ADGRL3: variants seen among roughly 807,000 people sequenced by gnomAD.
ADGRL3 encodes the protein adhesion G protein-coupled receptor L3.
In ADGRL3, 62 loss-of-function variants were observed where a neutral mutation model predicts 153.5. The ratio of observed to expected loss-of-function variants is 0.40; its 90% CI spans 0.33 to 0.50. ADGRL3 has a LOEUF of 0.50. Among genes scored for constraint, ADGRL3 ranks in the 20% least tolerant of loss-of-function variants. The probability of loss-of-function intolerance (pLI) is 0.47; values close to 1 mark genes in which losing one functional copy is unlikely to be tolerated. For synonymous variants in ADGRL3, 710 were observed against 672.5 expected, an observed-to-expected ratio of 1.06 and a Z score of -0.86; for missense variants, 1,641 against 1,859.4, an observed-to-expected ratio of 0.88 and a Z score of 2.16.
At position 61,656,076 on chromosome 4, in the gene ADGRL3, G is replaced by A. The variant is rs564793903; in HGVS notation, c.474-20750G>A. ...TTAATCACAGGTTTTTGATGTTGAAGTAAAGCATTAGATGCTTACTTTGTT... is the reference window on the plus strand; with the variant it reads ...TTAATCACAGGTTTTTGATGTTGAAATAAAGCATTAGATGCTTACTTTGTT... On this transcript the variant is annotated intron_variant, in intron 5 of 26. Transcript: ENST00000683033. Among the ~76,000 whole-genome samples the A allele has an allele frequency of 3.3e-5, 5 of 152,280 alleles. No homozygotes were observed. The South Asian group carries it at 8.3e-4, about 25-fold the overall frequency.
intron 2 of ADGRL3, among the ~76,000 whole-genome samples, chr4:61,424,455 T>C (rs762303949): frequency 4.6e-5 from 7 of 151,940 alleles, no homozygotes; most frequent in Non-Finnish European, 7.4e-5. Flanking sequence ...ACTACTAATA[T>C]CCCTGTTACG....
chr4:61,401,332 A>T (rs2152115005), intron 2 of ADGRL3, among the ~76,000 whole-genome samples: 2 of 152,088 alleles, frequency 1.3e-5, no homozygotes, highest in Middle Eastern at 6.8e-3. Flanking sequence ...GACAAAATAT[A>T]TGTGGAGAAC....
intron 5 of ADGRL3, among the ~76,000 whole-genome samples, chr4:61,646,902 T>C (rs2101961): frequency 0.99 from 151,034 of 152,290 alleles, 74,911 homozygotes; most frequent in Middle Eastern, 1. Flanking sequence ...AGTTTGATCT[T>C]AGACTGCTGT....
intron 1 of ADGRL3, among the ~76,000 whole-genome samples, chr4:61,236,201 G>A (rs1044722847): frequency 4.4e-4 from 67 of 151,750 alleles, no homozygotes; most frequent in African/African-American, 1.5e-3. Context: ...GTACAGACGG[G>A]GTTTCACCCT....
At chr4:61,981,696 T>C (rs2150843577) in intron 18 of ADGRL3, among the ~76,000 whole-genome samples, 1 of 152,288 alleles carries the variant, frequency 6.6e-6, no homozygotes, top group African/African-American at 2.4e-5. Context: ...ATGTTACAAG[T>C]TTGTTATCAT....
At chr4:62,060,526 A>G (rs28647462) in intron 25 of ADGRL3, among the ~76,000 whole-genome samples, 4,157 of 151,976 alleles carry the variant, frequency 0.027, 204 homozygotes, top group African/African-American at 0.096. Context: ...CTTATTTAGA[A>G]TGATTTTAGA....
intron 9 of ADGRL3, among the ~76,000 whole-genome samples, chr4:61,823,690 T>TA (rs1282569360): frequency 1.3e-5 from 2 of 152,002 alleles, no homozygotes; most frequent in East Asian, 3.9e-4. Context: ...ACCTAGGTAT[T>TA]AAAAAAAATC....
At chr4:61,310,921 C>G (rs2094977116) in intron 1 of ADGRL3, among the ~76,000 whole-genome samples, 1 of 151,312 alleles carries the variant, frequency 6.6e-6, no homozygotes, top group African/African-American at 2.4e-5. Context: ...ATATTCCAGT[C>G]TAGGTTGTAG....
intron 1 of ADGRL3, among the ~76,000 whole-genome samples, chr4:61,260,946 G>A (rs1228156635): frequency 6.6e-6 from 1 of 151,894 alleles, no homozygotes; most frequent in Admixed American, 6.6e-5. Context: ...GGCTGGGCTC[G>A]AACTCTTCAG....
chr4:61,423,541 A>G (rs910227832), intron 2 of ADGRL3, among the ~76,000 whole-genome samples: 1 of 152,204 alleles, frequency 6.6e-6, no homozygotes, highest in African/African-American at 2.4e-5. Context: ...GTATAGGGAG[A>G]ATCCATGAAC....
At chr4:61,390,259 C>A (rs564947403) in intron 2 of ADGRL3, among the ~76,000 whole-genome samples, 1 of 152,092 alleles carries the variant, frequency 6.6e-6, no homozygotes, top group African/African-American at 2.4e-5. Flanking sequence ...CCTGAGCTAG[C>A]AGTAGCCCAG....
Position 61,801,441 on chromosome 4 carries a change from G to A in ADGRL3, c.1400-12368G>A, listed in dbSNP as rs1249987198. Among the ~76,000 whole-genome samples the A allele has an allele frequency of 3.9e-5, 6 of 152,006 alleles. No individual in the cohort carries two copies. In the East Asian group the frequency reaches 1.2e-3, roughly 29 times the overall value. ...TAAATTAAGAGTGGATTTAAACTCTGTTGTTCAGCCTGTTTTTAAAAAATA... is the reference window on the plus strand; with the variant it reads ...TAAATTAAGAGTGGATTTAAACTCTATTGTTCAGCCTGTTTTTAAAAAATA... On this transcript the variant is annotated intron_variant, in intron 8 of 26. Coordinates refer to ENST00000683033, the MANE Select transcript of ADGRL3 (RefSeq NM_001387552.1).
At chr4:61,786,981 A>G (rs917707640) in intron 8 of ADGRL3, among the ~76,000 whole-genome samples, 10 of 152,306 alleles carry the variant, frequency 6.6e-5, no homozygotes, top group South Asian at 6.2e-4. Flanking sequence ...TGATGCTAAG[A>G]CTGATGGCAT....
chr4:61,923,780 C>G (rs1346856265), intron 13 of ADGRL3, among the ~76,000 whole-genome samples: 1 of 152,148 alleles, frequency 6.6e-6, no homozygotes, highest in Non-Finnish European at 1.5e-5. Flanking sequence ...TCCTCTATTA[C>G]AGCAATTATC....
At chr4:61,463,372 G>A (rs2097845924) in intron 2 of ADGRL3, among the ~76,000 whole-genome samples, 1 of 152,110 alleles carries the variant, frequency 6.6e-6, no homozygotes, top group African/African-American at 2.4e-5. Flanking sequence ...AAGGCGAAGG[G>A]GAAGCAAGCA....
At chr4:61,410,444 G>GA (rs1452375960) in intron 2 of ADGRL3, among the ~76,000 whole-genome samples, 1 of 151,496 alleles carries the variant, frequency 6.6e-6, no homozygotes, top group Non-Finnish European at 1.5e-5. Flanking sequence ...ATTTTCTTTG[G>GA]AAAAAATAAG....
At chr4:61,993,174 G>GTGTA (rs72127645) in intron 19 of ADGRL3, among the ~76,000 whole-genome samples, 26 of 150,292 alleles carry the variant, frequency 1.7e-4, no homozygotes, top group South Asian at 1.7e-3. Flanking sequence ...TTGTGTGTGT[G>GTGTA]TGTGTGTGTG....
chr4:61,512,685 A>C (rs1156876490), intron 3 of ADGRL3, among the ~76,000 whole-genome samples: 1 of 152,190 alleles, frequency 6.6e-6, no homozygotes, highest in Non-Finnish European at 1.5e-5. Context: ...AAATGTGATT[A>C]TCATTTTATA....
In ADGRL3 at chr4:61,947,979, G is replaced by A. The variant is rs1231492418; in HGVS notation, c.2629-121G>A. On this transcript the variant is annotated intron_variant, in intron 16 of 26. Coordinates refer to ENST00000683033, the MANE Select transcript of ADGRL3 (RefSeq NM_001387552.1). The stretch of plus-strand genomic sequence containing the variant: ...TTGAGGCCCACTTATGAAACCATTG[G>A]TAGACATCTCTAAAAAATTGGAACA... The A allele has an allele frequency of 1.1e-5, 8 of 717,468 alleles. No homozygotes were observed. In the Admixed American group the frequency reaches 2.3e-4, roughly 21 times the overall value. 44.4% of individuals were successfully genotyped at this position (717,468 alleles called of 1,614,324 possible). A position where few individuals can be genotyped will look rare whatever the true frequency, so the allele number is the denominator to read the frequency against.
Sources: gnomAD v4.1 joint callset for allele counts (sites outside exome capture counted in the v4.1 genomes callset) on GRCh38, gnomAD v4.1.1 for gene constraint, MANE v1.5 for transcripts, NCBI Gene and HGNC (gene_info 2026-07-23, HGNC 2026-07-21) for gene names.